HCN1: variants seen among roughly 807,000 people sequenced by gnomAD.
HCN1 encodes the protein potassium/sodium hyperpolarization-activated cyclic nucleotide-gated channel 1.
A neutral mutation model predicts 78.9 loss-of-function variants in HCN1; 13 were observed. The ratio of observed to expected loss-of-function variants is 0.16; its 90% CI spans 0.11 to 0.26. HCN1 has a LOEUF of 0.26. Among genes scored for constraint, HCN1 ranks in the 10% least tolerant of loss-of-function variants. The pLI is 1.00. For missense variants in HCN1, 810 were observed against 1,154.3 expected, an observed-to-expected ratio of 0.70 and a Z score of 4.32; for synonymous variants, 552 against 455.5, an observed-to-expected ratio of 1.21 and a Z score of -2.70.
intron 2 of HCN1, among the ~76,000 whole-genome samples, chr5:45,495,331 G>T (rs2111712934): frequency 1.5e-5 from 2 of 136,322 alleles, no homozygotes; most frequent in South Asian, 5.3e-4. Flanking sequence ...TTGTAAGTTG[G>T]ATTCCTAGGT....
At chr5:45,606,151 C>T (rs1051279740) in intron 2 of HCN1, among the ~76,000 whole-genome samples, 3 of 151,908 alleles carry the variant, frequency 2.0e-5, no homozygotes, top group Non-Finnish European at 4.4e-5. Context: ...GCAACCATTG[C>T]CAGAAAATTT....
chr5:45,612,402 C>T (rs1277591892), intron 2 of HCN1, among the ~76,000 whole-genome samples: 1 of 152,162 alleles, frequency 6.6e-6, no homozygotes, highest in Admixed American at 6.6e-5. Flanking sequence ...CAACAATTTC[C>T]ATTTCCAGTG....
At chr5:45,577,955 A>T (rs1579979193) in intron 2 of HCN1, among the ~76,000 whole-genome samples, 2 of 152,028 alleles carry the variant, frequency 1.3e-5, no homozygotes, top group African/African-American at 4.8e-5. Flanking sequence ...ATTCTTTTGT[A>T]TGCCATCTGT....
chr5:45,550,074 GT>G (rs2111852370), intron 2 of HCN1, among the ~76,000 whole-genome samples: 1 of 152,230 alleles, frequency 6.6e-6, no homozygotes, highest in South Asian at 2.1e-4. Context: ...TTCAACCATT[GT>G]GGAAGTCAGT....
chr5:45,485,302 A>C (rs1741733588), intron 2 of HCN1, among the ~76,000 whole-genome samples: 2 of 152,196 alleles, frequency 1.3e-5, no homozygotes, highest in Non-Finnish European at 2.9e-5. Context: ...GCATATGACT[A>C]TCAACACTGT....
At chr5:45,447,598 T>C (rs766417412) in intron 3 of HCN1, among the ~76,000 whole-genome samples, 9 of 152,202 alleles carry the variant, frequency 5.9e-5, no homozygotes, top group Non-Finnish European at 1.2e-4. Flanking sequence ...ATCCTAAAGA[T>C]GTCCTCTTAC....
chr5:45,663,165 T>C (rs1431390603), intron 1 of HCN1, among the ~76,000 whole-genome samples: 3 of 135,394 alleles, frequency 2.2e-5, no homozygotes, highest in African/African-American at 5.6e-5. Context: ...TATCTACAAC[T>C]ATCTGATCTT....
chr5:45,321,820 A>G (rs893083750), intron 5 of HCN1, among the ~76,000 whole-genome samples: 1 of 151,892 alleles, frequency 6.6e-6, no homozygotes, highest in African/African-American at 2.4e-5. Context: ...CATATGATTC[A>G]ATTTTTGCTG....
chr5:45,379,061 G>C (rs999796408), intron 4 of HCN1, among the ~76,000 whole-genome samples: 1 of 152,108 alleles, frequency 6.6e-6, no homozygotes, highest in African/African-American at 2.4e-5. Flanking sequence ...TTGCTATTGT[G>C]AATAGTGCCC....
chr5:45,324,823 A>T (rs1746202376), intron 5 of HCN1, among the ~76,000 whole-genome samples: 1 of 151,806 alleles, frequency 6.6e-6, no homozygotes, highest in Non-Finnish European at 1.5e-5. Context: ...ACTACACGAA[A>T]TTTGTGAAAA....
chr5:45,375,395 TACATATTATATATAAGATCATATTTTATG>T (rs1487099926), intron 4 of HCN1, among the ~76,000 whole-genome samples: 85 of 123,320 alleles, frequency 6.9e-4, no homozygotes, highest in African/African-American at 1.4e-3. Flanking sequence ...TATTTTATGA[TACATATTATATATAAGATCATATTTTATG>T]ATACATATTA....
chr5:45,594,986 G>T (rs1393819300), intron 2 of HCN1, among the ~76,000 whole-genome samples: 7 of 152,144 alleles, frequency 4.6e-5, no homozygotes, highest in African/African-American at 1.2e-4. Context: ...ATGTGGTGGT[G>T]AAATACTTGT....
chr5:45,516,365 A>T (rs1224498990), intron 2 of HCN1, among the ~76,000 whole-genome samples: 1 of 152,008 alleles, frequency 6.6e-6, no homozygotes, highest in African/African-American at 2.4e-5. Flanking sequence ...CCAGAAGAAC[A>T]GTTTATATAA....
rs563609020 is a variant in HCN1, at chr5:45,498,206, A to G, written c.850-36199T>C. 3.6e-4 allele frequency among the ~76,000 whole-genome samples: 55 copies of G among 152,250 alleles called. 1 individual carries two copies. In the East Asian group the frequency reaches 7.7e-3, roughly 21 times the overall value. The stretch of plus-strand genomic sequence containing the variant: ...TTTCCAACTTGGTTCCATTCTCCCC[A>G]TCACTTTCAGGTACACCAATCAGAT... On this transcript the variant is annotated intron_variant, in intron 2 of 7. Coordinates refer to ENST00000303230, the MANE Select transcript of HCN1 (RefSeq NM_021072.4).
chr5:45,255,884 C>A lies in HCN1; in HGVS notation c.*6037G>T, dbSNP rs1254527703. On this transcript the variant is annotated 3_prime_UTR_variant, in exon 8 of 8. Coordinates refer to ENST00000303230, the MANE Select transcript of HCN1 (RefSeq NM_021072.4). ...GAAAACGATGCAACCTGTTTTTTTGCAAAATTCCGTTATTTAAAAAAAAAA... is the reference window on the plus strand; with the variant it reads ...GAAAACGATGCAACCTGTTTTTTTGAAAAATTCCGTTATTTAAAAAAAAAA... 6.6e-6 allele frequency: 1 copy of A among 150,786 alleles called. No individual in the cohort carries two copies. Among genetic ancestry groups the A allele is most frequent in the Non-Finnish European group, 1.5e-5 (1 of 67,760 alleles). 9.3% of individuals were successfully genotyped at this position (150,786 alleles called of 1,614,324 possible).
At chr5:45,386,967 C>A (rs1011335551) in intron 4 of HCN1, among the ~76,000 whole-genome samples, 1 of 151,924 alleles carries the variant, frequency 6.6e-6, no homozygotes, top group Admixed American at 6.6e-5. Context: ...AGCAAGAAAT[C>A]TTTTAAAACA....
intron 3 of HCN1, among the ~76,000 whole-genome samples, chr5:45,400,480 C>A (rs944981440): frequency 6.8e-6 from 1 of 146,544 alleles, no homozygotes; most frequent in East Asian, 2.1e-4. Context: ...CTCACTGCAA[C>A]CTCTGCCTCC....
At chr5:45,676,658 T>G (rs960001298) in intron 1 of HCN1, among the ~76,000 whole-genome samples, 11 of 151,206 alleles carry the variant, frequency 7.3e-5, no homozygotes, top group Non-Finnish European at 1.2e-4. Context: ...CAGAGAATAT[T>G]TGCAGTCTCA....
intron 2 of HCN1, among the ~76,000 whole-genome samples, chr5:45,494,031 T>C (rs1392918680): frequency 6.6e-6 from 1 of 152,160 alleles, no homozygotes; most frequent in Non-Finnish European, 1.5e-5. Flanking sequence ...TCCAAGTCTT[T>C]GCTATTGTGA....
Sources: allele counts gnomAD v4.1 joint callset (sites outside exome capture counted in the v4.1 genomes callset), GRCh38; gene constraint gnomAD v4.1.1; transcripts MANE v1.5; gene names NCBI Gene and HGNC (gene_info 2026-07-23, HGNC 2026-07-21).